The following LAMA2 variants were observed in gnomAD, a reference collection of about 807,000 sequenced individuals.
LAMA2 encodes the protein laminin subunit alpha-2.
LAMA2 carries 269 observed loss-of-function variants against 364.8 expected under a neutral mutation model. That is an observed-to-expected ratio of 0.74 (90% CI 0.67 to 0.82). The LOEUF (loss-of-function observed/expected upper bound fraction) is 0.82. Among genes scored for constraint, LAMA2 ranks in the 40% least tolerant of loss-of-function variants. The pLI is 0.00. For missense variants in LAMA2, 3,807 were observed against 3,873.2 expected (o/e 0.98, Z 0.45); for synonymous variants, 1,379 against 1,370.6 (o/e 1.01, Z -0.14).
rs1783415404 is a variant in LAMA2, at chr6:129,464,195, A to C, written c.6993-95A>C. 2.7e-6 allele frequency: 3 copies of C among 1,095,342 alleles called. No homozygotes were observed. The South Asian group carries it at 3.7e-5, about 14-fold the overall frequency. The allele number at this position is 1,095,342 out of a possible 1,614,324, so 67.9% of individuals were successfully genotyped here. ...GTATTTAGGGTATTTCCTGCCCTAC[A>C]ACAGCCTATAGTCTCATTGCTATTC... On this transcript the variant is annotated intron_variant, in intron 49 of 64. Transcript: ENST00000421865.
chr6:129,293,992 T>G (rs1789902471), intron 20 of LAMA2, among the ~76,000 whole-genome samples: 1 of 152,086 alleles, frequency 6.6e-6, no homozygotes, highest in African/African-American at 2.4e-5. Flanking sequence ...CTTCAGAGGG[T>G]TTATGTCTGC....
chr6:129,466,881 C>T (rs140748383), intron 51 of LAMA2, among the ~76,000 whole-genome samples: 7 of 151,788 alleles, frequency 4.6e-5, no homozygotes, highest in Admixed American at 1.3e-4. Flanking sequence ...ATAGGGATAC[C>T]GAGAACTCTA....
At chr6:129,256,158 C>T (rs577338747) in intron 14 of LAMA2, among the ~76,000 whole-genome samples, 3 of 152,226 alleles carry the variant, frequency 2.0e-5, no homozygotes, top group South Asian at 4.1e-4. Flanking sequence ...TGTTGGGAGG[C>T]AATGCAGGGT....
At chr6:129,507,798 T>TA (rs1309521212) in intron 62 of LAMA2, among the ~76,000 whole-genome samples, 156 bp downstream of exon 62, 4 of 152,318 alleles carry the variant, frequency 2.6e-5, no homozygotes, top group African/African-American at 9.6e-5. Context: ...AAATGCCTCT[T>TA]AAAAATTCAT....
chr6:129,060,047 T>C (rs1199331279), intron 3 of LAMA2, 151 bp downstream of exon 3: 3 of 655,168 alleles, frequency 4.6e-6, no homozygotes, highest in Non-Finnish European at 8.3e-6. Context: ...CCTATTCATA[T>C]AGCGTATTGT....
intron 22 of LAMA2, among the ~76,000 whole-genome samples, chr6:129,310,465 T>C (rs1774148379): frequency 6.6e-6 from 1 of 152,074 alleles, no homozygotes; most frequent in African/African-American, 2.4e-5. Flanking sequence ...CACTGGGCTG[T>C]AGATCTGAGA....
chr6:128,889,540 T>G (rs547161637), intron 1 of LAMA2, among the ~76,000 whole-genome samples: 2 of 152,264 alleles, frequency 1.3e-5, no homozygotes, highest in South Asian at 4.1e-4. Context: ...TTTCCTTCTC[T>G]CTCCCTCTCT....
At chr6:129,240,325 A>G (rs927898929) in intron 12 of LAMA2, among the ~76,000 whole-genome samples, 3 of 152,202 alleles carry the variant, frequency 2.0e-5, no homozygotes, top group African/African-American at 7.2e-5. Context: ...ACACTCAGGT[A>G]CAATACTTTG....
intron 1 of LAMA2, among the ~76,000 whole-genome samples, chr6:129,021,651 C>T (rs1047043576): frequency 6.6e-6 from 1 of 152,106 alleles, no homozygotes; most frequent in Admixed American, 6.6e-5. Flanking sequence ...ATAGCTCAGG[C>T]AAGAAGAGGT....
At chr6:129,515,725 A>G (rs1787002714) in intron 64 of LAMA2, among the ~76,000 whole-genome samples, 1 of 152,314 alleles carries the variant, frequency 6.6e-6, no homozygotes, top group Non-Finnish European at 1.5e-5. Context: ...TTCATCCCAA[A>G]CCAAGTTATT....
chr6:129,474,439 T>G (rs1783968319), intron 52 of LAMA2, among the ~76,000 whole-genome samples: 1 of 152,228 alleles, frequency 6.6e-6, no homozygotes, highest in South Asian at 2.1e-4. Flanking sequence ...AAAAATAAAT[T>G]TAAAGTGTCA....
chr6:129,183,387 G>A (rs1781044431), intron 10 of LAMA2, among the ~76,000 whole-genome samples: 1 of 151,922 alleles, frequency 6.6e-6, no homozygotes, highest in African/African-American at 2.4e-5. Context: ...TCTTATAATA[G>A]AAAGATAAAT....
intron 41 of LAMA2, among the ~76,000 whole-genome samples, chr6:129,430,034 G>A (rs1046449785): frequency 1.3e-5 from 2 of 152,152 alleles, no homozygotes; most frequent in Non-Finnish European, 2.9e-5. Context: ...AACTACTCAA[G>A]TAATAATTCC....
chr6:129,422,490 T>A (rs151238783), intron 40 of LAMA2, among the ~76,000 whole-genome samples: 1,874 of 152,002 alleles, frequency 0.012, 21 homozygotes, highest in Middle Eastern at 0.041. Context: ...ATCAGAAAAG[T>A]CACCAACTAC....
At chr6:128,938,430 GT>G (rs933442838) in intron 1 of LAMA2, among the ~76,000 whole-genome samples, 2 of 152,126 alleles carry the variant, frequency 1.3e-5, no homozygotes, top group African/African-American at 2.4e-5. Context: ...TTATAAAAAA[GT>G]TTTTATTGTC....
intron 64 of LAMA2, 27 bp downstream of exon 64, chr6:129,514,622 T>C (rs755901896): frequency 2.7e-5 from 41 of 1,544,996 alleles, no homozygotes; most frequent in Non-Finnish European, 3.3e-5. Context: ...CCAGCAACAA[T>C]TTCTTTGCTC....
Position 129,412,707 on chromosome 6 carries a change from T to A in LAMA2, c.5865+8748T>A, listed in dbSNP as rs143600126. ...ACATAATTCAAGTTTATGTCTCACA[T>A]CACAACACAATGTGAGTTATACCAC... On this transcript the variant is annotated intron_variant, in intron 40 of 64. Transcript: ENST00000421865. Among the ~76,000 whole-genome samples the A allele has an allele frequency of 9.2e-5, 14 of 152,320 alleles. 1 individual carries two copies. Among genetic ancestry groups the A allele is most frequent in the Middle Eastern group, 3.4e-3 (1 of 294 alleles).
intron 8 of LAMA2, chr6:129,158,521 G>T (rs546139488): frequency 3.2e-4 from 515 of 1,613,922 alleles, no homozygotes; most frequent in Non-Finnish European, 4.2e-4. Context: ...TTTCCAACTG[G>T]AATAAATGCT....
chr6:129,354,526 G>T (rs1168955910), intron 32 of LAMA2, among the ~76,000 whole-genome samples: 1 of 151,938 alleles, frequency 6.6e-6, no homozygotes, highest in African/African-American at 2.4e-5. Flanking sequence ...GACTATCAAA[G>T]TATTTTATAA....
Sources: gnomAD v4.1 joint callset for allele counts (sites outside exome capture counted in the v4.1 genomes callset) on GRCh38, gnomAD v4.1.1 for gene constraint, MANE v1.5 for transcripts, NCBI Gene and HGNC (gene_info 2026-07-23, HGNC 2026-07-21) for gene names.